The following SRGAP3 variants were observed in gnomAD, a reference collection of about 807,000 sequenced individuals.
SRGAP3 encodes SLIT-ROBO Rho GTPase-activating protein 3.
SRGAP3 carries 39 observed loss-of-function variants against 121.1 expected under a neutral mutation model. The ratio of observed to expected loss-of-function variants is 0.32; its 90% CI spans 0.25 to 0.42. The LOEUF (loss-of-function observed/expected upper bound fraction) is 0.42. Among genes scored for constraint, SRGAP3 ranks in the 10% least tolerant of loss-of-function variants. The pLI is 1.00. For synonymous variants in SRGAP3, 601 were observed against 570.0 expected (o/e 1.05, Z -0.77); for missense variants, 1,213 against 1,470.6 (o/e 0.82, Z 2.86).
At chr3:9,058,633 G>C in intron 6 of SRGAP3, 161 bp from the exon 7 acceptor site, 1 of 704,144 alleles carries the variant, frequency 1.4e-6, no homozygotes, top group South Asian at 1.7e-5. Flanking sequence ...CAAACCTCAC[G>C]GCGCCCCTCA....
intron 21 of SRGAP3, among the ~76,000 whole-genome samples, chr3:8,988,325 A>G (rs1941844054): frequency 6.6e-6 from 1 of 152,210 alleles, no homozygotes; most frequent in South Asian, 2.1e-4. Flanking sequence ...CACTCGGCCT[A>G]CTACCTGGGG....
intron 3 of SRGAP3, among the ~76,000 whole-genome samples, chr3:9,282,428 G>A (rs1954695768): frequency 6.6e-6 from 1 of 152,136 alleles, no homozygotes. Context: ...GCTTAATAGA[G>A]GAGAGCTTTA....
intron 1 of SRGAP3, among the ~76,000 whole-genome samples, chr3:9,237,046 G>A (rs113886440): frequency 4.9e-4 from 75 of 152,222 alleles, no homozygotes; most frequent in African/African-American, 1.7e-3. Flanking sequence ...GGCTCTGCAT[G>A]GATACAATTA....
intron 1 of SRGAP3, among the ~76,000 whole-genome samples, chr3:9,338,482 T>C (rs1250596859): frequency 6.6e-6 from 1 of 152,194 alleles, no homozygotes; most frequent in East Asian, 1.9e-4. Flanking sequence ...ATAGATGAAT[T>C]TGGAAATCAC....
intron 3 of SRGAP3, among the ~76,000 whole-genome samples, chr3:9,269,643 G>A (rs1281739798): frequency 1.3e-5 from 2 of 152,184 alleles, no homozygotes; most frequent in African/African-American, 4.8e-5. Context: ...TGCTGTGTGG[G>A]GATGAGAGGG....
chr3:9,354,661 G>C (rs981577496), intron 1 of SRGAP3, among the ~76,000 whole-genome samples: 3 of 135,706 alleles, frequency 2.2e-5, no homozygotes, highest in African/African-American at 8.6e-5. Flanking sequence ...CAGCCGGGGT[G>C]ACAGAGCGAG....
intron 20 of SRGAP3, among the ~76,000 whole-genome samples, chr3:8,991,925 CA>C (rs1205013334): frequency 1.3e-5 from 2 of 152,122 alleles, no homozygotes; most frequent in African/African-American, 4.8e-5. Context: ...GGGCGGGGGA[CA>C]AGGGAGAGGA....
chr3:9,197,212 T>C (rs1186075324), intron 1 of SRGAP3, among the ~76,000 whole-genome samples: 6 of 152,230 alleles, frequency 3.9e-5, no homozygotes. Flanking sequence ...TAACATCAGA[T>C]GTCAATGCTA....
intron 1 of SRGAP3, among the ~76,000 whole-genome samples, chr3:9,129,808 C>A (rs1455637462): frequency 6.6e-6 from 1 of 151,750 alleles, no homozygotes; most frequent in African/African-American, 2.4e-5. Context: ...GTCGCCCAGG[C>A]TGGAGTGCAG....
intron 1 of SRGAP3, among the ~76,000 whole-genome samples, chr3:9,202,175 C>A (rs1446165349): frequency 1.3e-5 from 2 of 152,192 alleles, no homozygotes; most frequent in Non-Finnish European, 2.9e-5. Context: ...GATGACCAGA[C>A]TAAGTCTTGA....
rs772868465 is a variant in SRGAP3 at position 8,985,473 on chromosome 3, C to G, written c.*46G>C. On this transcript the variant is annotated 3_prime_UTR_variant, in exon 22 of 22. Transcript: ENST00000383836. The surrounding 1 kb of genome is among the most constrained non-coding windows in gnomAD (Gnocchi z 5.1). ...GGAAGCCACCAAGGCCACCCTGGGC[C>G]GTGGTGAGCCACAGCGGGCCACGGC... 4 of 1,594,724 alleles carry G rather than the reference C, an allele frequency of 2.5e-6. No homozygotes were observed. Among genetic ancestry groups the G allele is most frequent in the South Asian group, 1.1e-5 (1 of 90,436 alleles).
At chr3:9,125,365 T>C (rs1360755345) in intron 1 of SRGAP3, among the ~76,000 whole-genome samples, 2 of 152,248 alleles carry the variant, frequency 1.3e-5, no homozygotes, top group Non-Finnish European at 2.9e-5. Context: ...TGTAAAATTC[T>C]ATCTAGAGAC....
At chr3:9,059,943 G>A in intron 6 of SRGAP3, 1 of 426,050 alleles carries the variant, frequency 2.3e-6, no homozygotes, top group Non-Finnish European at 4.4e-6. Flanking sequence ...CAAAGGACCT[G>A]GTGTCCAGGA....
At position 9,131,432 on chromosome 3, in the gene SRGAP3, T is replaced by C. The variant is rs1413852127; in HGVS notation, c.68-6515A>G. On this transcript the variant is annotated intron_variant, in intron 1 of 21. Transcript: ENST00000383836. ...GGCCCAGAGAAGGGGAAGATCTAAT[T>C]CTTTTTTTTTTTTTTTTTTTTTTTG... 2.4e-5 allele frequency among the ~76,000 whole-genome samples: 3 copies of C among 125,304 alleles called. No homozygotes were observed. The Admixed American group carries it at 2.6e-4, about 11-fold the overall frequency. The allele number at this position is 125,304 out of a possible 152,430, so 82.2% of individuals were successfully genotyped here.
intron 3 of SRGAP3, among the ~76,000 whole-genome samples, chr3:9,296,530 G>A (rs1954956929): frequency 6.6e-6 from 1 of 152,178 alleles, no homozygotes; most frequent in Non-Finnish European, 1.5e-5. Context: ...GATTCTTTTT[G>A]TAGAAATGGT....
chr3:9,270,788 G>A (rs1020148013), intron 3 of SRGAP3, among the ~76,000 whole-genome samples: 1 of 151,964 alleles, frequency 6.6e-6, no homozygotes, highest in Non-Finnish European at 1.5e-5. Context: ...CATTTTTACT[G>A]TTATTATTTA....
intron 1 of SRGAP3, among the ~76,000 whole-genome samples, chr3:9,183,079 C>T (rs1169078519): frequency 3.9e-5 from 6 of 152,162 alleles, no homozygotes; most frequent in African/African-American, 7.2e-5. Context: ...TATCAGTCCC[C>T]GATGCTTTGG....
intron 1 of SRGAP3, among the ~76,000 whole-genome samples, chr3:9,182,196 A>C (rs1307789984): frequency 6.6e-6 from 1 of 150,974 alleles, no homozygotes; most frequent in Non-Finnish European, 1.5e-5. Flanking sequence ...AAAAAAAAAA[A>C]AAAAACACAA....
intron 3 of SRGAP3, among the ~76,000 whole-genome samples, chr3:9,315,151 G>A (rs542889871): frequency 2.0e-5 from 3 of 152,162 alleles, no homozygotes; most frequent in Non-Finnish European, 4.4e-5. Context: ...ATCTTCAGCT[G>A]GGTTGGCTTC....
Sources: gnomAD v4.1 joint callset for allele counts (sites outside exome capture counted in the v4.1 genomes callset) on GRCh38, gnomAD v4.1.1 for gene constraint, Gnocchi (gnomAD v3.1) non-coding constraint, MANE v1.5 for transcripts, NCBI Gene and HGNC (gene_info 2026-07-23, HGNC 2026-07-21) for gene names.